Variants in CMTM4 observed in about 807,000 individuals in gnomAD.
The protein encoded by CMTM4 is CKLF like MARVEL transmembrane domain containing 4.
CMTM4 carries 8 observed loss-of-function variants against 19.0 expected under a neutral mutation model. The observed-to-expected ratio is 0.42, with a 90% CI of 0.25 to 0.76. The LOEUF is 0.76. Ranked by LOEUF, CMTM4 falls within the 30% of genes least tolerant of loss-of-function variation. CMTM4 has a pLI of 0.27. For missense variants in CMTM4, 228 were observed against 290.2 expected (o/e 0.79, Z 1.56); for synonymous variants, 106 against 121.1 (o/e 0.88, Z 0.82).
chr16:66,617,334 T>G lies in CMTM4; in HGVS notation c.*4724A>C. The G allele has an allele frequency of 6.2e-7, 1 of 1,613,998 alleles. No individual in the cohort carries two copies. Among genetic ancestry groups the G allele is most frequent in the Non-Finnish European group, 8.5e-7 (1 of 1,179,974 alleles). ...GGTTTGTGGGTGATTTTTTCCTTAC[T>G]GTTACGTTTGTGGAGTAGGAAAAAC... On this transcript the variant is annotated 3_prime_UTR_variant, in exon 4 of 4. Coordinates refer to ENST00000394106, the MANE Select transcript of CMTM4 (RefSeq NM_181521.3).
the CMTM4 span, among the ~76,000 whole-genome samples, chr16:66,607,255 G>A: frequency 1.3e-5 from 2 of 152,200 alleles, no homozygotes; most frequent in East Asian, 3.9e-4. Context: ...ACATCCTCCT[G>A]CATCAGCTCT....
downstream of CMTM4, among the ~76,000 whole-genome samples, chr16:66,611,411 C>G (rs1211797044): frequency 6.6e-6 from 1 of 151,736 alleles, no homozygotes; most frequent in Non-Finnish European, 1.5e-5. Context: ...ATCAAGACAT[C>G]GCACTCCAGC....
intron 1 of CMTM4, among the ~76,000 whole-genome samples, chr16:66,662,911 T>C (rs1308534782): frequency 2.0e-5 from 3 of 152,170 alleles, no homozygotes. Context: ...CAAAGTTGTA[T>C]ATATATGTGT....
At chr16:66,656,496 T>A in intron 1 of CMTM4, among the ~76,000 whole-genome samples, 1 of 152,102 alleles carries the variant, frequency 6.6e-6, no homozygotes, top group East Asian at 1.9e-4. Context: ...CCCGAGTAGC[T>A]GGGACCACAG....
chr16:66,614,588 G>A (rs2015490493), downstream of CMTM4, among the ~76,000 whole-genome samples: 1 of 152,204 alleles, frequency 6.6e-6, no homozygotes, highest in South Asian at 2.1e-4. This position sits in a 1 kb window ranked among gnomAD's most constrained non-coding sequence, Gnocchi z 4.9. Context: ...ATTCCACCTT[G>A]TAAGCCCTGG....
chr16:66,654,507 C>T (rs2016363654), intron 1 of CMTM4, among the ~76,000 whole-genome samples: 1 of 152,198 alleles, frequency 6.6e-6, no homozygotes, highest in Non-Finnish European at 1.5e-5. Context: ...TTCTAAGCCC[C>T]AGACCCAGGC....
chr16:66,635,490 T>C (rs2015973383), intron 2 of CMTM4, among the ~76,000 whole-genome samples: 1 of 152,196 alleles, frequency 6.6e-6, no homozygotes, highest in South Asian at 2.1e-4. Flanking sequence ...AGCCTCCTCC[T>C]TGGGGCCCAC....
chr16:66,683,185 A>ACG (rs1210050561), intron 1 of CMTM4, among the ~76,000 whole-genome samples: 4 of 86,980 alleles, frequency 4.6e-5, no homozygotes, highest in Admixed American at 1.4e-4. Context: ...ACATATGTAT[A>ACG]TATATATACA....
intron 2 of CMTM4, among the ~76,000 whole-genome samples, chr16:66,631,815 C>T (rs530926879): frequency 6.6e-6 from 1 of 152,284 alleles, no homozygotes; most frequent in African/African-American, 2.4e-5. Flanking sequence ...GGGTCCTCTG[C>T]GTAGGAAAAC....
chr16:66,626,847 T>C (rs1454247715), intron 2 of CMTM4, among the ~76,000 whole-genome samples: 3 of 151,784 alleles, frequency 2.0e-5, no homozygotes, highest in Non-Finnish European at 4.4e-5. Context: ...CTGCCTGTAA[T>C]CCCAACACTT....
At chr16:66,607,914 A>T in the CMTM4 span, among the ~76,000 whole-genome samples, 1 of 151,222 alleles carries the variant, frequency 6.6e-6, no homozygotes, top group African/African-American at 2.4e-5. Flanking sequence ...GCCTGATCAC[A>T]GCTCACTGCA....
At chr16:66,612,504 G>C, downstream of CMTM4, 1 of 1,198,434 alleles carries the variant, frequency 8.3e-7, no homozygotes, top group South Asian at 1.3e-5. This position sits in a 1 kb window ranked among gnomAD's most constrained non-coding sequence, Gnocchi z 6.0. Flanking sequence ...CAGGAGGCCT[G>C]CACCCAGGCT....
downstream of CMTM4, among the ~76,000 whole-genome samples, chr16:66,612,062 C>T (rs954259310): frequency 2.6e-5 from 4 of 152,248 alleles, no homozygotes; most frequent in East Asian, 5.8e-4. The surrounding 1 kb of genome is among the most constrained non-coding windows in gnomAD (Gnocchi z 6.0). Flanking sequence ...GGCACCTGGG[C>T]TTCAGTCTTG....
chr16:66,631,498 G>A (rs577101025), intron 2 of CMTM4, among the ~76,000 whole-genome samples: 1 of 152,368 alleles, frequency 6.6e-6, no homozygotes, highest in South Asian at 2.1e-4. Context: ...AAGGGGGAAA[G>A]GTGGGGAAAA....
intron 1 of CMTM4, among the ~76,000 whole-genome samples, chr16:66,675,739 ACCACCACCT>A (rs1200416701): frequency 3.3e-5 from 5 of 152,072 alleles, no homozygotes; most frequent in Admixed American, 1.3e-4. Flanking sequence ...GCAACCACTT[ACCACCACCT>A]CCACCAGCGC....
the CMTM4 span, chr16:66,604,956 A>G: frequency 6.7e-7 from 1 of 1,500,478 alleles, no homozygotes; most frequent in Non-Finnish European, 8.8e-7. Context: ...CGAGTCGGTG[A>G]GTGCGGCGGG....
chr16:66,642,252 C>G (rs2144821927), intron 1 of CMTM4, among the ~76,000 whole-genome samples: 1 of 152,262 alleles, frequency 6.6e-6, no homozygotes, highest in East Asian at 1.9e-4. Flanking sequence ...CTTATAACAA[C>G]CTTGAAGTGA....
the CMTM4 span, among the ~76,000 whole-genome samples, chr16:66,600,146 GT>G: frequency 3.5e-4 from 44 of 125,764 alleles, no homozygotes; most frequent in Middle Eastern, 8.6e-3. Flanking sequence ...GTTTTTTTTT[GT>G]TTTTTTTTTT....
the CMTM4 span, chr16:66,604,861 G>T: frequency 3.6e-6 from 5 of 1,394,980 alleles, no homozygotes; most frequent in Non-Finnish European, 4.6e-6. Context: ...GGCGGCTCCC[G>T]TCCCGGCCCC....
Sources: gnomAD v4.1 joint callset for allele counts (sites outside exome capture counted in the v4.1 genomes callset) on GRCh38, gnomAD v4.1.1 for gene constraint, Gnocchi (gnomAD v3.1) non-coding constraint, MANE v1.5 for transcripts, NCBI Gene and HGNC (gene_info 2026-07-23, HGNC 2026-07-21) for gene names.